ZNF248: variants seen among roughly 807,000 people sequenced by gnomAD.
ZNF248 encodes KRAB protein domain.
In ZNF248, 20 loss-of-function variants were observed where a neutral mutation model predicts 44.3. The ratio of observed to expected loss-of-function variants is 0.45; its 90% CI spans 0.32 to 0.66. The LOEUF (loss-of-function observed/expected upper bound fraction) is 0.66. Among genes scored for constraint, ZNF248 ranks in the 30% least tolerant of loss-of-function variants. ZNF248 has a pLI of 0.04. For missense variants in ZNF248, 654 were observed against 677.0 expected (o/e 0.97, Z 0.38); for synonymous variants, 224 against 229.0 (o/e 0.98, Z 0.20).
At chr10:37,848,587 A>C (rs2059706791) in intron 3 of ZNF248, among the ~76,000 whole-genome samples, 1 of 41,546 alleles carries the variant, frequency 2.4e-5, no homozygotes, top group African/African-American at 1.0e-4. Context: ...ACTCCGTCTC[A>C]AAAAAAAAAA....
chr10:37,804,101 C>CTTTCT (rs2050183968), intron 6 of ZNF248, among the ~76,000 whole-genome samples: 1 of 124,926 alleles, frequency 8.0e-6, no homozygotes, highest in Admixed American at 8.9e-5. Context: ...TTTTCTTTTT[C>CTTTCT]TTTTTTTTTT....
chr10:37,855,048 G>A (rs934652913), intron 3 of ZNF248, among the ~76,000 whole-genome samples: 6 of 152,192 alleles, frequency 3.9e-5, no homozygotes, highest in Admixed American at 3.3e-4. Flanking sequence ...AAGCCCTAGA[G>A]ATAACAGATT....
chr10:37,853,256 T>C (rs1056115823), intron 3 of ZNF248, among the ~76,000 whole-genome samples: 4 of 152,110 alleles, frequency 2.6e-5, no homozygotes, highest in Admixed American at 1.3e-4. Flanking sequence ...TAAGTAACAA[T>C]TGCTGAAAAC....
Position 37,838,104 on chromosome 10 carries a change from A to G in ZNF248, c.23T>C (p.Val8Ala). 4 of 1,612,428 alleles carry G rather than the reference A, an allele frequency of 2.5e-6. No homozygotes were observed. Among genetic ancestry groups the G allele is most frequent in the Non-Finnish European group, 3.4e-6 (4 of 1,179,090 alleles). Residue 8 changes from valine to alanine, a missense_variant, in exon 4 of 6, where the codon GTG becomes GCG. Coordinates refer to ENST00000395867, the MANE Select transcript of ZNF248 (RefSeq NM_021045.3). MNKSQEQVSFKDVCVDFT... is the reference protein window; with the variant it reads MNKSQEQASFKDVCVDFT... ...GTCCACACATACATCCTTGAATGAC[A>G]CTTGTTCCTGTAATAGTATACTCTT...
At chr10:37,820,715 G>T in intron 6 of ZNF248, 1 of 1,340,186 alleles carries the variant, frequency 7.5e-7, no homozygotes, top group South Asian at 1.2e-5. Context: ...ATCACTCAAG[G>T]ATCCCATGCT....
chr10:37,847,242 CT>C (rs1233711023), intron 3 of ZNF248, among the ~76,000 whole-genome samples: 1 of 152,070 alleles, frequency 6.6e-6, no homozygotes, highest in Non-Finnish European at 1.5e-5. Flanking sequence ...GAGACAGAGT[CT>C]CCCTCTGTCA....
chr10:37,763,725 G>A, the ZNF248 span, among the ~76,000 whole-genome samples: 1 of 152,196 alleles, frequency 6.6e-6, no homozygotes, highest in Non-Finnish European at 1.5e-5. Context: ...TGAACAGAGG[G>A]ACCGGCTGAA....
At chr10:37,780,725 T>C (rs1410898325) in intron 6 of ZNF248, among the ~76,000 whole-genome samples, 2 of 152,036 alleles carry the variant, frequency 1.3e-5, no homozygotes, top group East Asian at 1.9e-4. Context: ...GTGCCCAAAC[T>C]TGCGATCCCC....
intron 6 of ZNF248, among the ~76,000 whole-genome samples, chr10:37,798,069 C>T (rs2049360351): frequency 6.6e-6 from 1 of 152,088 alleles, no homozygotes; most frequent in African/African-American, 2.4e-5. Flanking sequence ...ATCCAAATGT[C>T]TACAAACTGA....
chr10:37,833,020 C>A lies in ZNF248; in HGVS notation c.335G>T (p.Ser112Ile). 6.2e-7 allele frequency: 1 copy of A among 1,613,654 alleles called. No homozygotes were observed. The highest frequency in any genetic ancestry group is 8.5e-7 in the Non-Finnish European group (1 of 1,179,770). The part of the protein sequence containing the change: ...ELLFHNNKTV[S>I]VENGDRGSKT... ...GCTTCCTCTATCTCCATTTTCTACA[C>A]TTACTGTTTTGTTGTTGTGGAATAG... is the stretch of plus-strand genomic sequence containing the variant. Residue 112 changes from serine to isoleucine, a missense_variant, in exon 6 of 6, where the codon AGT becomes ATT. Coordinates refer to ENST00000395867, the MANE Select transcript of ZNF248 (RefSeq NM_021045.3).
chr10:37,844,635 T>C (rs917891588), intron 3 of ZNF248, among the ~76,000 whole-genome samples: 4 of 152,222 alleles, frequency 2.6e-5, no homozygotes, highest in Non-Finnish European at 5.9e-5. Flanking sequence ...AGTTTTTGTA[T>C]GATACTGAGA....
At chr10:37,828,214 C>T (rs1047655441), downstream of ZNF248, among the ~76,000 whole-genome samples, 2 of 152,190 alleles carry the variant, frequency 1.3e-5, no homozygotes, top group African/African-American at 4.8e-5. Flanking sequence ...CATGTGAACA[C>T]ACTCTTCTTC....
chr10:37,831,268 T>C lies in ZNF248; in HGVS notation c.*347A>G. ...AAACATCGGGGACTCTTCACATATA[T>C]GTTTAATGCTGCTGTCATTCAACTT... is the stretch of plus-strand genomic sequence containing the variant. On this transcript the variant is annotated 3_prime_UTR_variant, in exon 6 of 6. Coordinates refer to ENST00000395867, the MANE Select transcript of ZNF248 (RefSeq NM_021045.3). 6.5e-7 allele frequency: 1 copy of C among 1,549,712 alleles called. No homozygotes were observed.
the ZNF248 span, among the ~76,000 whole-genome samples, chr10:37,765,780 C>T: frequency 6.6e-6 from 1 of 152,192 alleles, no homozygotes; most frequent in South Asian, 2.1e-4. Flanking sequence ...GGGTGCAGCA[C>T]ACCATGCGTG....
intron 6 of ZNF248, among the ~76,000 whole-genome samples, chr10:37,789,828 T>G (rs1301791730): frequency 6.6e-6 from 1 of 152,146 alleles, no homozygotes; most frequent in Non-Finnish European, 1.5e-5. Context: ...TAAACAAATA[T>G]TTGCTCTGGA....
At chr10:37,817,777 C>T (rs578008045) in intron 6 of ZNF248, among the ~76,000 whole-genome samples, 4 of 152,026 alleles carry the variant, frequency 2.6e-5, no homozygotes, top group East Asian at 1.9e-4. Flanking sequence ...TTTTTCCCCC[C>T]GAAGTCAAAC....
intron 6 of ZNF248, among the ~76,000 whole-genome samples, chr10:37,810,213 A>G (rs368942479): frequency 6.6e-6 from 1 of 152,192 alleles, no homozygotes; most frequent in East Asian, 1.9e-4. Context: ...TGTGTTTTTA[A>G]GTCCTGTGTT....
At chr10:37,845,401 GA>G (rs1156468790) in intron 3 of ZNF248, among the ~76,000 whole-genome samples, 3 of 146,704 alleles carry the variant, frequency 2.0e-5, no homozygotes, top group East Asian at 4.0e-4. Context: ...AAAAACTCAT[GA>G]AAAAAATTAA....
chr10:37,856,837 AGTG>A (rs2061378364), intron 1 of ZNF248: 9 of 525,980 alleles, frequency 1.7e-5, no homozygotes, highest in Non-Finnish European at 2.2e-5. Context: ...AATGGGCAGC[AGTG>A]GCTCGGGAAA....
Sources: allele counts gnomAD v4.1 joint callset (sites outside exome capture counted in the v4.1 genomes callset), GRCh38; gene constraint gnomAD v4.1.1; transcripts MANE v1.5; gene names NCBI Gene and HGNC (gene_info 2026-07-23, HGNC 2026-07-21).